SYTL5: variants seen among roughly 807,000 people sequenced by gnomAD.
The protein encoded by SYTL5 is synaptotagmin-like protein 5.
Under a neutral mutation model 55.9 loss-of-function variants are expected in SYTL5, and 34 were observed. That is an observed-to-expected ratio of 0.61 (90% CI 0.46 to 0.81). SYTL5 has a LOEUF of 0.81. SYTL5 is among the 30% of genes least tolerant of loss of function. SYTL5 has a pLI of 0.00. For missense variants in SYTL5, 637 were observed against 546.7 expected (o/e 1.17, Z -1.65); for synonymous variants, 221 against 188.7 (o/e 1.17, Z -1.40).
chrX:37,935,304 A>G, the SYTL5 span, among the ~76,000 whole-genome samples: 2 of 112,268 alleles, frequency 1.8e-5, no homozygotes, highest in Admixed American at 1.9e-4. Flanking sequence ...AAATAAAAAC[A>G]GACAGAATTT....
At chrX:37,956,863 C>T in the SYTL5 span, among the ~76,000 whole-genome samples, 6 of 111,528 alleles carry the variant, frequency 5.4e-5, no homozygotes, top group Admixed American at 4.8e-4. Flanking sequence ...GAGGAACCTC[C>T]GTATTGTTTT....
intron 15 of SYTL5, 53 bp downstream of exon 15, chrX:38,122,268 C>T (rs1602419266): frequency 1.8e-6 from 2 of 1,100,293 alleles, no homozygotes; most frequent in Middle Eastern, 5.0e-4. Context: ...ATGAAAGGAT[C>T]TGTGATCCAC....
intron 1 of SYTL5, among the ~76,000 whole-genome samples, chrX:38,022,268 G>A (rs1477774534): frequency 2.7e-5 from 3 of 112,415 alleles, no homozygotes; most frequent in Admixed American, 9.5e-5. Context: ...GTTACTGTAA[G>A]AGAAGTATGA....
At chrX:38,091,249 G>A (rs1238185470) in intron 7 of SYTL5, among the ~76,000 whole-genome samples, 6 of 111,953 alleles carry the variant, frequency 5.4e-5, no homozygotes, top group South Asian at 3.7e-4. Flanking sequence ...GTCAAATTCC[G>A]TTAAAGCATT....
the SYTL5 span, among the ~76,000 whole-genome samples, chrX:37,943,008 G>A: frequency 4.5e-5 from 5 of 111,332 alleles, no homozygotes; most frequent in Non-Finnish European, 9.4e-5. Context: ...TTGAGCAAGG[G>A]TCCTCACATT....
At chrX:38,096,052 G>T (rs1936928675) in intron 8 of SYTL5, 82 bp from the exon 9 acceptor site, 1 of 489,675 alleles carries the variant, frequency 2.0e-6, no homozygotes, top group Non-Finnish European at 3.4e-6. Context: ...TTGAAATAAA[G>T]GTGAAACACT....
intron 13 of SYTL5, among the ~76,000 whole-genome samples, chrX:38,114,311 A>G (rs1569191691): frequency 8.9e-6 from 1 of 111,843 alleles, no homozygotes; most frequent in African/African-American, 3.3e-5. Context: ...CCATCCTTTA[A>G]GGACCAGGTA....
the SYTL5 span, among the ~76,000 whole-genome samples, chrX:37,901,938 A>G: frequency 8.9e-6 from 1 of 111,958 alleles, no homozygotes; most frequent in Non-Finnish European, 1.9e-5. Context: ...GGCCTGATAA[A>G]TATTTGATAG....
At chrX:38,056,727 C>A (rs1935797833) in intron 3 of SYTL5, among the ~76,000 whole-genome samples, 1 of 111,619 alleles carries the variant, frequency 9.0e-6, no homozygotes, top group African/African-American at 3.3e-5. Context: ...TGTTGAACAC[C>A]TTTTCATATG....
At chrX:37,914,538 A>G in the SYTL5 span, among the ~76,000 whole-genome samples, 91 of 111,623 alleles carry the variant, frequency 8.2e-4, no homozygotes, top group South Asian at 9.1e-3. Context: ...CACACATGAT[A>G]GATCCTAAAA....
the SYTL5 span, among the ~76,000 whole-genome samples, chrX:37,951,579 G>A: frequency 9.0e-6 from 1 of 110,939 alleles, no homozygotes; most frequent in Non-Finnish European, 1.9e-5. Flanking sequence ...ATATAAATAT[G>A]TACAGCAAAT....
upstream of SYTL5, among the ~76,000 whole-genome samples, chrX:38,002,873 G>T (rs1371918387): frequency 1.8e-5 from 2 of 111,644 alleles, no homozygotes; most frequent in Non-Finnish European, 3.8e-5. Context: ...TTAGTTTAAT[G>T]AGATCCCATT....
the SYTL5 span, among the ~76,000 whole-genome samples, chrX:37,959,984 G>C: frequency 1.8e-5 from 2 of 111,590 alleles, no homozygotes; most frequent in Non-Finnish European, 3.8e-5. Context: ...GTCTCATACC[G>C]TTTAGAGTGG....
chrX:37,963,629 C>A, the SYTL5 span, among the ~76,000 whole-genome samples: 1 of 111,648 alleles, frequency 9.0e-6, no homozygotes, highest in Non-Finnish European at 1.9e-5. Flanking sequence ...TAAATTAGTT[C>A]TGTTTATTCT....
chrX:38,028,736 A>C (rs190196917), intron 1 of SYTL5, among the ~76,000 whole-genome samples: 3,796 of 111,344 alleles, frequency 0.034, 65 homozygotes, highest in Middle Eastern at 0.061. Context: ...CATAATCCCC[A>C]ATGTTATCAG....
At chrX:38,106,826 ATGTG>A (rs1937230251) in intron 11 of SYTL5, 55 bp downstream of exon 11, 1 of 1,007,948 alleles carries the variant, frequency 9.9e-7, no homozygotes, top group Admixed American at 3.2e-5. Flanking sequence ...TTTTGTCTGT[ATGTG>A]TGTTTCCTTT....
the SYTL5 span, among the ~76,000 whole-genome samples, chrX:37,968,688 C>G: frequency 1.8e-5 from 2 of 111,543 alleles, no homozygotes; most frequent in African/African-American, 6.5e-5. Context: ...GAGAGTTGGG[C>G]AGTCCCCTTC....
rs749450908 is a variant in SYTL5 at position 38,072,143 on chromosome X, C to T, written c.426C>T (p.Ser142=). Residue 142 remains serine, a synonymous_variant, in exon 4 of 17, where the codon TCC becomes TCT. Transcript: ENST00000297875. ...NVLGTDVVRQ[S]ILRRSPGAEE... is the part of the protein sequence containing the mutation. Reference sequence around the variant, plus strand: ...TCGGCACTGATGTTGTCCGACAGTCCATTTTAAGAAGAAGTCCAGGTAATT... The same window carrying T: ...TCGGCACTGATGTTGTCCGACAGTCTATTTTAAGAAGAAGTCCAGGTAATT... The T allele has an allele frequency of 2.2e-5, 27 of 1,204,210 alleles. 1 individual carries two copies. In the South Asian group the frequency reaches 4.8e-4, roughly 21 times the overall value.
At chrX:38,020,931 CTA>C (rs1934531679) in intron 1 of SYTL5, among the ~76,000 whole-genome samples, 1 of 111,780 alleles carries the variant, frequency 8.9e-6, no homozygotes, top group African/African-American at 3.3e-5. Context: ...AGTAGCACAT[CTA>C]TGTTATTATC....
Sources: allele counts gnomAD v4.1 joint callset (sites outside exome capture counted in the v4.1 genomes callset), GRCh38; gene constraint gnomAD v4.1.1; transcripts MANE v1.5; gene names NCBI Gene and HGNC (gene_info 2026-07-23, HGNC 2026-07-21).